DLG2: variants seen among roughly 807,000 people sequenced by gnomAD.
The protein encoded by DLG2 is disks large homolog 2.
DLG2 carries 45 observed loss-of-function variants against 132.5 expected under a neutral mutation model. The observed-to-expected ratio is 0.34, with a 90% CI of 0.27 to 0.44. The LOEUF (loss-of-function observed/expected upper bound fraction) is 0.44, where lower values mean the gene tolerates loss of function less well. DLG2 is among the 20% of genes least tolerant of loss of function. The pLI, the probability that DLG2 is intolerant of heterozygous loss-of-function variation, is 1.00. For missense variants in DLG2, 1,045 were observed against 1,196.9 expected, an observed-to-expected ratio of 0.87 and a Z score of 1.87; for synonymous variants, 424 against 419.6, an observed-to-expected ratio of 1.01 and a Z score of -0.13.
chr11:85,274,485 T>C (rs1326748693), intron 4 of DLG2, among the ~76,000 whole-genome samples: 2 of 152,208 alleles, frequency 1.3e-5, no homozygotes, highest in South Asian at 2.1e-4. Context: ...CTAGGTACTA[T>C]AGCATAGCCA....
intron 7 of DLG2, among the ~76,000 whole-genome samples, chr11:84,482,494 T>G (rs988615889): frequency 6.6e-6 from 1 of 152,222 alleles, no homozygotes; most frequent in Non-Finnish European, 1.5e-5. Context: ...TAATAAAACC[T>G]TGAGCAAGCT....
At chr11:84,496,064 G>C (rs1567785225) in intron 7 of DLG2, among the ~76,000 whole-genome samples, 1 of 152,136 alleles carries the variant, frequency 6.6e-6, no homozygotes, top group African/African-American at 2.4e-5. Flanking sequence ...GCTGGAGTGA[G>C]CTAAGCTGAA....
intron 7 of DLG2, among the ~76,000 whole-genome samples, chr11:84,436,275 C>G (rs570695447): frequency 1.3e-5 from 2 of 152,034 alleles, no homozygotes; most frequent in Non-Finnish European, 2.9e-5. Context: ...AAAGTCAGAA[C>G]CCCAGTGATA....
At chr11:84,191,075 G>C (rs1276125902) in intron 8 of DLG2, among the ~76,000 whole-genome samples, 2 of 152,182 alleles carry the variant, frequency 1.3e-5, no homozygotes, top group African/African-American at 2.4e-5. Context: ...AGTTTGGTTT[G>C]TGGTGTAGGA....
chr11:84,118,721 T>C, intron 9 of DLG2, among the ~76,000 whole-genome samples: 1 of 152,222 alleles, frequency 6.6e-6, no homozygotes, highest in East Asian at 1.9e-4. Context: ...ATGGGGTACT[T>C]ACTTTCTTCT....
intron 8 of DLG2, among the ~76,000 whole-genome samples, chr11:84,185,958 T>A (rs1444816565): frequency 6.6e-6 from 1 of 152,186 alleles, no homozygotes; most frequent in African/African-American, 2.4e-5. Context: ...CGTTATCAGT[T>A]CTTTTCTTTT....
intron 3 of DLG2, among the ~76,000 whole-genome samples, chr11:85,331,633 G>A (rs776656533): frequency 1.3e-5 from 2 of 152,142 alleles, no homozygotes; most frequent in African/African-American, 4.8e-5. Context: ...GCCACCTGAA[G>A]TAGTAGGCCC....
At chr11:83,722,924 C>T (rs7946060) in intron 18 of DLG2, among the ~76,000 whole-genome samples, 42,364 of 152,066 alleles carry the variant, frequency 0.28, 7,526 homozygotes, top group African/African-American at 0.51. Flanking sequence ...ACGTATGTTA[C>T]ATTGCACTGT....
At chr11:84,566,199 T>C (rs191616221) in intron 6 of DLG2, among the ~76,000 whole-genome samples, 126 of 152,046 alleles carry the variant, frequency 8.3e-4, no homozygotes, top group African/African-American at 2.8e-3. Flanking sequence ...CTGACCTCAA[T>C]TGATCCACCC....
intron 6 of DLG2, among the ~76,000 whole-genome samples, chr11:84,649,284 G>C (rs1354550557): frequency 5.3e-5 from 8 of 152,164 alleles, no homozygotes. Flanking sequence ...TCTTTATAGA[G>C]TGTCACCATG....
Position 83,537,825 on chromosome 11 carries a change from AAAAAAAAAAAG to A in DLG2, c.2117+3846_2117+3856del, listed in dbSNP as rs1402827831. 5.5e-5 allele frequency among the ~76,000 whole-genome samples: 8 copies of A among 144,738 alleles called. No individual in the cohort carries two copies. In the East Asian group the frequency reaches 5.9e-4, roughly 11 times the overall value. 95.0% of individuals were successfully genotyped at this position (144,738 alleles called of 152,430 possible). A position where few individuals can be genotyped will look rare whatever the true frequency, so the allele number is the denominator to read the frequency against. ...TCTGTCTCAAAAAAAAAAAAAAAAA[AAAAAAAAAAAG>A]AGAGAGAGAGATACCATGGAACAAA... On this transcript the variant is annotated intron_variant, in intron 20 of 27. Transcript: ENST00000376104.
chr11:83,615,431 CT>C (rs1342977583), intron 19 of DLG2, among the ~76,000 whole-genome samples: 10 of 152,282 alleles, frequency 6.6e-5, no homozygotes, highest in African/African-American at 2.2e-4. Flanking sequence ...TTCATTTTGC[CT>C]GTTCTTGAAT....
chr11:84,081,845 C>T lies in DLG2; in HGVS notation c.749+17078G>A, dbSNP rs546915135. 7.2e-5 allele frequency among the ~76,000 whole-genome samples: 11 copies of T among 152,228 alleles called. No homozygotes were observed. In the South Asian group the frequency reaches 8.3e-4, roughly 11 times the overall value. Reference sequence around the variant, plus strand: ...TTGGGTATATACCCAGTAATGGGATCGCTGGGTCAAATGGTATTTCTAGTT... The same window carrying T: ...TTGGGTATATACCCAGTAATGGGATTGCTGGGTCAAATGGTATTTCTAGTT... On this transcript the variant is annotated intron_variant, in intron 10 of 27. Coordinates refer to ENST00000376104, the MANE Select transcript of DLG2 (RefSeq NM_001142699.3).
intron 3 of DLG2, among the ~76,000 whole-genome samples, chr11:85,546,152 A>G (rs1205585580): frequency 6.6e-6 from 1 of 152,110 alleles, no homozygotes; most frequent in Non-Finnish European, 1.5e-5. Context: ...CCCTCTACAC[A>G]CTGCTTTAAA....
At chr11:85,573,055 T>C (rs1261560445) in intron 3 of DLG2, among the ~76,000 whole-genome samples, 5 of 152,078 alleles carry the variant, frequency 3.3e-5, no homozygotes, top group Admixed American at 6.6e-5. Flanking sequence ...CCGTACACTC[T>C]CTCTTGATCC....
At chr11:83,517,797 G>C (rs529130508) in intron 21 of DLG2, among the ~76,000 whole-genome samples, 149 of 152,342 alleles carry the variant, frequency 9.8e-4, no homozygotes, top group African/African-American at 2.9e-3. Flanking sequence ...TCCAGACCCT[G>C]TTTGCCTGGG....
intron 6 of DLG2, among the ~76,000 whole-genome samples, chr11:84,831,150 A>G (rs1260042843): frequency 6.6e-6 from 1 of 151,540 alleles, no homozygotes; most frequent in Non-Finnish European, 1.5e-5. Flanking sequence ...ACAGATGTCC[A>G]TATTTGCTTT....
chr11:85,612,324 T>G (rs1206073285), intron 2 of DLG2, among the ~76,000 whole-genome samples: 7 of 152,316 alleles, frequency 4.6e-5, no homozygotes, highest in Middle Eastern at 3.4e-3. Context: ...CATACGAAGG[T>G]CTGACCAGAC....
At chr11:84,686,432 C>T (rs1283271134) in intron 6 of DLG2, among the ~76,000 whole-genome samples, 2 of 152,122 alleles carry the variant, frequency 1.3e-5, no homozygotes, top group East Asian at 1.9e-4. Context: ...AAACAACAAC[C>T]TGGATTTGGT....
Sources: allele counts gnomAD v4.1 joint callset (sites outside exome capture counted in the v4.1 genomes callset), GRCh38; gene constraint gnomAD v4.1.1; transcripts MANE v1.5; gene names NCBI Gene and HGNC (gene_info 2026-07-23, HGNC 2026-07-21).